ZMIZ2: variants seen among roughly 807,000 people sequenced by gnomAD.
ZMIZ2 encodes zinc finger MIZ-type containing 2.
A neutral mutation model predicts 93.9 loss-of-function variants in ZMIZ2; 26 were observed. The ratio of observed to expected loss-of-function variants is 0.28; its 90% CI spans 0.20 to 0.38. The LOEUF (loss-of-function observed/expected upper bound fraction) is 0.38. Ranked by LOEUF, ZMIZ2 falls within the 10% of genes least tolerant of loss-of-function variation. The pLI, the probability that ZMIZ2 is intolerant of heterozygous loss-of-function variation, is 1.00. For missense variants in ZMIZ2, 1,023 were observed against 1,235.0 expected (o/e 0.83, Z 2.57); for synonymous variants, 485 against 516.4 (o/e 0.94, Z 0.82).
chr7:44,757,113 G>A lies in ZMIZ2; in HGVS notation c.332G>A (p.Arg111His), dbSNP rs367805690. The change falls in exon 4 of 19, where the codon CGC becomes CAC. Residue 111 changes from arginine to histidine, a missense_variant. Transcript: ENST00000309315. ...TACGTGCAGCAAGGCGTGTACAGCCGCGGGGGCTACCCTGGGGCCCCCGGC... is the reference window on the plus strand; with the variant it reads ...TACGTGCAGCAAGGCGTGTACAGCCACGGGGGCTACCCTGGGGCCCCCGGC... ...KGYVQQGVYS[R>H]GGYPGAPGFT... 259 of 1,600,750 alleles carry A rather than the reference G, an allele frequency of 1.6e-4. No individual in the cohort carries two copies. Among genetic ancestry groups the A allele is most frequent in the Non-Finnish European group, 2.1e-4 (246 of 1,176,940 alleles).
chr7:44,750,713 G>T (rs987360571), intron 1 of ZMIZ2, among the ~76,000 whole-genome samples: 1 of 151,766 alleles, frequency 6.6e-6, no homozygotes, highest in African/African-American at 2.4e-5. Context: ...ACTCTGTCTA[G>T]AGGAAGATGT....
chr7:44,761,805 A>G lies in ZMIZ2; in HGVS notation c.1496A>G (p.Glu499Gly). 1.4e-5 allele frequency: 23 copies of G among 1,613,848 alleles called. No homozygotes were observed. The highest frequency in any genetic ancestry group is 1.9e-5 in the Non-Finnish European group (23 of 1,180,006). The change falls in exon 11 of 19, where the codon GAG becomes GGG. Residue 499 changes from glutamate to glycine, a missense_variant. Physicochemically the swap from Glu to Gly is moderately conservative, Grantham distance 98 (BLOSUM62 -2). Transcript: ENST00000309315. This position sits in a 1 kb window ranked among gnomAD's most constrained non-coding sequence, Gnocchi z 5.8. ...GTCAATGCCACGCCGCTCACCATCG[A>G]GCGTGGCGACAACAAGACCTCGCAC... is the stretch of plus-strand genomic sequence containing the variant. ...VSVNATPLTIERGDNKTSHKP... is the reference protein window; with the variant it reads ...VSVNATPLTIGRGDNKTSHKP...
chr7:44,766,426 A>G lies in ZMIZ2; in HGVS notation c.2418A>G (p.Ala806=). The part of the protein sequence containing the change: ...KSTACLPSQM[A]PAGHLDPTHN... ...ATTCTTCTCTCTGTCTTCAGATGGCACCAGCAGGTCACCTGGACCCCACTC... is the reference window on the plus strand; with the variant it reads ...ATTCTTCTCTCTGTCTTCAGATGGCGCCAGCAGGTCACCTGGACCCCACTC... The change falls in exon 18 of 19, where the codon GCA becomes GCG. Residue 806 remains alanine, a synonymous_variant. Transcript: ENST00000309315. The surrounding 1 kb of genome is among the most constrained non-coding windows in gnomAD (Gnocchi z 4.4). 1 of 1,614,098 alleles carries G rather than the reference A, an allele frequency of 6.2e-7. No individual in the cohort carries two copies. Among genetic ancestry groups the G allele is most frequent in the Non-Finnish European group, 8.5e-7 (1 of 1,180,016 alleles).
intron 3 of ZMIZ2, 26 bp from the exon 4 acceptor site, chr7:44,756,921 C>T (rs1790646607): frequency 6.2e-7 from 1 of 1,610,494 alleles, no homozygotes; most frequent in South Asian, 1.1e-5. Context: ...GGCTGGTTCC[C>T]TTTGGTGATT....
Position 44,757,392 on chromosome 7 carries a change from CG to C in ZMIZ2, c.389del (p.Gly130AlafsTer50). ...PGFTTGYAGG[P>X]GGLGLPSHAA... ...GTCTCCTGCAGGTATGCAGGCGGCC[CG>C]GGGGGCCTGGGCCTCCCCTCACATG... On this transcript the variant is annotated frameshift_variant, in exon 5 of 19. Transcript: ENST00000309315. LOFTEE classifies it high-confidence loss of function. 4 of 1,600,966 alleles carry C rather than the reference CG, an allele frequency of 2.5e-6. No individual in the cohort carries two copies.
chr7:44,765,867 G>A lies in ZMIZ2; in HGVS notation c.2242+288G>A. ...CCTGGCTGGAACACCTCACAGGACT[G>A]GCCCCATCTGGGGCCCCCCTCTGGG... On this transcript the variant is annotated intron_variant, in intron 16 of 18. Coordinates refer to ENST00000309315, the MANE Select transcript of ZMIZ2 (RefSeq NM_031449.4). This position sits in a 1 kb window ranked among gnomAD's most constrained non-coding sequence, Gnocchi z 4.1. 1 of 1,237,178 alleles carries A rather than the reference G, an allele frequency of 8.1e-7. No individual in the cohort carries two copies. Among genetic ancestry groups the A allele is most frequent in the South Asian group, 1.7e-5 (1 of 57,176 alleles). The allele number at this position is 1,237,178 out of a possible 1,614,324, so 76.6% of individuals were successfully genotyped here.
At chr7:44,749,174 G>T (rs1283137988) in intron 1 of ZMIZ2, among the ~76,000 whole-genome samples, 183 bp downstream of exon 1, 1 of 152,120 alleles carries the variant, frequency 6.6e-6, no homozygotes, top group Non-Finnish European at 1.5e-5. Context: ...CTGGGCTGGG[G>T]CTAGAGGCTC....
Position 44,766,686 on chromosome 7 carries a change from G to C in ZMIZ2, c.2655+23G>C. 1 of 1,608,964 alleles carries C rather than the reference G, an allele frequency of 6.2e-7. No individual in the cohort carries two copies. The highest frequency in any genetic ancestry group is 8.5e-7 in the Non-Finnish European group (1 of 1,177,016). On this transcript the variant is annotated intron_variant, in intron 18 of 18. Coordinates refer to ENST00000309315, the MANE Select transcript of ZMIZ2 (RefSeq NM_031449.4). This position sits in a 1 kb window ranked among gnomAD's most constrained non-coding sequence, Gnocchi z 4.4. ...GACGTGAGTACCAGGCCCCATGCGG[G>C]GGAGTGCGTGGGAGCCAGGGCTAGA...
intron 1 of ZMIZ2, among the ~76,000 whole-genome samples, chr7:44,754,240 A>G (rs538657785): frequency 2.6e-5 from 4 of 152,228 alleles, no homozygotes; most frequent in African/African-American, 9.6e-5. Flanking sequence ...TGGCTGGGCC[A>G]TCTCAGCTCC....
At chr7:44,757,287 TC>T in intron 4 of ZMIZ2, 90 bp from the exon 5 acceptor site, 3 of 1,527,676 alleles carry the variant, frequency 2.0e-6, no homozygotes, top group East Asian at 4.6e-5. Flanking sequence ...AAGAATGGGC[TC>T]CCCCTGGGTG....
Position 44,756,952 on chromosome 7 carries a change from G to A in ZMIZ2, c.171G>A (p.Leu57=). Residue 57 remains leucine, a synonymous_variant, in exon 4 of 19, where the codon TTG becomes TTA. Transcript: ENST00000309315. ...GVGNATQSQV[L]GNPMGPAGSP... ...TGATTCCTGCTTCCTCATAGGTTTT[G>A]GGGAACCCCATGGGCCCTGCAGGGA... 1 of 1,609,454 alleles carries A rather than the reference G, an allele frequency of 6.2e-7. No individual in the cohort carries two copies. The highest frequency in any genetic ancestry group is 1.7e-4 in the Middle Eastern group (1 of 6,032).
Position 44,759,549 on chromosome 7 carries a change from G to A in ZMIZ2, c.993+89G>A, listed in dbSNP as rs1790953646. 1.1e-5 allele frequency: 12 copies of A among 1,126,630 alleles called. No individual in the cohort carries two copies. The South Asian group carries it at 2.0e-4, about 19-fold the overall frequency. 69.8% of individuals were successfully genotyped at this position (1,126,630 alleles called of 1,614,324 possible). On this transcript the variant is annotated intron_variant, in intron 7 of 18. Transcript: ENST00000309315. ...TTGGGGCAGTCCTGTCCTCGAGAGC[G>A]ACAGGGTGGCTAAAGGGGCCAGCAG...
chr7:44,750,011 G>A (rs963393097), intron 1 of ZMIZ2: 1 of 152,160 alleles, frequency 6.6e-6, no homozygotes, highest in African/African-American at 2.4e-5. Flanking sequence ...TCATGCCCAG[G>A]GGATAGTTAC....
At chr7:44,753,755 A>G (rs1451840879) in intron 1 of ZMIZ2, among the ~76,000 whole-genome samples, 1 of 152,224 alleles carries the variant, frequency 6.6e-6, no homozygotes, top group African/African-American at 2.4e-5. Flanking sequence ...GGCCTAGATC[A>G]CAAAGATTTT....
Position 44,763,630 on chromosome 7 carries a change from T to G in ZMIZ2, c.1860+217T>G, listed in dbSNP as rs1791418143. 3.3e-6 allele frequency: 2 copies of G among 609,610 alleles called. No individual in the cohort carries two copies. The highest frequency in any genetic ancestry group is 4.6e-5 in the South Asian group (2 of 43,040). The allele number at this position is 609,610 out of a possible 1,614,324, so 37.8% of individuals were successfully genotyped here. ...TATAATTGTCATTTTACTAACTTTT[T>G]TACTGCCTGCTTCATTCATGGGTTC... On this transcript the variant is annotated intron_variant, in intron 13 of 18. Transcript: ENST00000309315. The surrounding 1 kb of genome is among the most constrained non-coding windows in gnomAD (Gnocchi z 5.6).
At position 44,769,152 on chromosome 7, in the gene ZMIZ2, G is replaced by A. The variant is rs1791970524; in HGVS notation, c.*1529G>A. ...TACCATCTGCCTGTCCAGCTTGGTG[G>A]GGGTCCGGGTCACCATTTCCTCCAG... On this transcript the variant is annotated 3_prime_UTR_variant, in exon 19 of 19. Transcript: ENST00000309315. The A allele has an allele frequency of 1.3e-5, 2 of 152,880 alleles. No individual in the cohort carries two copies. Among genetic ancestry groups the A allele is most frequent in the Admixed American group, 1.3e-4 (2 of 15,306 alleles). 9.5% of individuals were successfully genotyped at this position (152,880 alleles called of 1,614,324 possible). A position where few individuals can be genotyped will look rare whatever the true frequency, so the allele number is the denominator to read the frequency against.
chr7:44,766,808 G>A lies in ZMIZ2; in HGVS notation c.2655+145G>A, dbSNP rs1367474077. The A allele has an allele frequency of 5.9e-6, 8 of 1,345,572 alleles. No homozygotes were observed. The highest frequency in any genetic ancestry group is 8.0e-6 in the Non-Finnish European group (8 of 1,001,830). 83.4% of individuals were successfully genotyped at this position (1,345,572 alleles called of 1,614,324 possible). ...TCAACTAAATGCAGCTTTTGTTCAT[G>A]AATTAGATACCTGGAGTAGCTGCGG... is the stretch of plus-strand genomic sequence containing the variant. On this transcript the variant is annotated intron_variant, in intron 18 of 18. Coordinates refer to ENST00000309315, the MANE Select transcript of ZMIZ2 (RefSeq NM_031449.4). This position sits in a 1 kb window ranked among gnomAD's most constrained non-coding sequence, Gnocchi z 4.4.
In ZMIZ2 at chr7:44,765,085, C is replaced by T; in HGVS notation, c.1997+76C>T. Reference sequence around the variant, plus strand: ...CCCCAGGACATGTCGGGGGATGTCCCTTGCCAAGTGCAGCCTTCCAGCCTT... The same window carrying T: ...CCCCAGGACATGTCGGGGGATGTCCTTTGCCAAGTGCAGCCTTCCAGCCTT... On this transcript the variant is annotated intron_variant, in intron 15 of 18. Coordinates refer to ENST00000309315, the MANE Select transcript of ZMIZ2 (RefSeq NM_031449.4). The surrounding 1 kb of genome is among the most constrained non-coding windows in gnomAD (Gnocchi z 4.1). 3 of 1,576,710 alleles carry T rather than the reference C, an allele frequency of 1.9e-6. No homozygotes were observed. The highest frequency in any genetic ancestry group is 8.7e-7 in the Non-Finnish European group (1 of 1,148,876).
Position 44,757,765 on chromosome 7 carries a change from G to A in ZMIZ2, c.553-83G>A, listed in dbSNP as rs1790741168. 2 of 1,481,874 alleles carry A rather than the reference G, an allele frequency of 1.3e-6. 1 individual carries two copies. Among genetic ancestry groups the A allele is most frequent in the Admixed American group, 4.7e-5 (2 of 42,846 alleles). 91.8% of individuals were successfully genotyped at this position (1,481,874 alleles called of 1,614,324 possible). ...CTGTGAAAGGGTATGGTGCCCACAT[G>A]GGTGGGTGGGCGGGTTTTATGCCTA... On this transcript the variant is annotated intron_variant, in intron 5 of 18. Coordinates refer to ENST00000309315, the MANE Select transcript of ZMIZ2 (RefSeq NM_031449.4).
Sources: gnomAD v4.1 joint callset for allele counts (sites outside exome capture counted in the v4.1 genomes callset) on GRCh38, gnomAD v4.1.1 for gene constraint, Gnocchi (gnomAD v3.1) non-coding constraint, MANE v1.5 for transcripts, NCBI Gene and HGNC (gene_info 2026-07-23, HGNC 2026-07-21) for gene names.